Variants in AADACL2 observed in about 807,000 individuals in gnomAD.
AADACL2 encodes arylacetamide deacetylase-like 2.
Under a neutral mutation model 22.3 loss-of-function variants are expected in AADACL2, and 23 were observed. The observed-to-expected ratio is 1.03, with a 90% CI of 0.74 to 1.46. The LOEUF is 1.46. Among genes scored for constraint, AADACL2 ranks in the 40% most tolerant of loss-of-function variants. The probability of loss-of-function intolerance (pLI) is 0.00; values close to 1 mark genes in which losing one functional copy is unlikely to be tolerated. For missense variants in AADACL2, 472 were observed against 482.9 expected (o/e 0.98, Z 0.21); for synonymous variants, 177 against 166.2 (o/e 1.07, Z -0.50).
chr3:151,754,591 T>C (rs1301711812), intron 4 of AADACL2, among the ~76,000 whole-genome samples: 1 of 152,156 alleles, frequency 6.6e-6, no homozygotes, highest in East Asian at 1.9e-4. Context: ...AAGTTCATTG[T>C]TGAAAAAGAT....
rs1713080765 is a variant in AADACL2, at chr3:151,736,203, A to G, written c.138+2030A>G. ...AAATCAAAAATAATTACAGCGGCAT[A>G]AAAAAACTGCTAGTAAATTAGTGGG... is the stretch of plus-strand genomic sequence containing the variant. On this transcript the variant is annotated intron_variant, in intron 1 of 4. Transcript: ENST00000356517. Among the ~76,000 whole-genome samples the G allele has an allele frequency of 5.9e-5, 9 of 152,292 alleles. No individual in the cohort carries two copies. The South Asian group carries it at 1.9e-3, about 32-fold the overall frequency.
intron 4 of AADACL2, among the ~76,000 whole-genome samples, chr3:151,752,827 T>C (rs1266111297): frequency 1.3e-5 from 2 of 152,172 alleles, no homozygotes; most frequent in Non-Finnish European, 2.9e-5. Flanking sequence ...GCTCTACTTA[T>C]TTAGGTTTAT....
intron 4 of AADACL2, among the ~76,000 whole-genome samples, chr3:151,754,364 G>A (rs1713796184): frequency 6.6e-6 from 1 of 152,088 alleles, no homozygotes; most frequent in South Asian, 2.1e-4. Flanking sequence ...CTTTCTTGAT[G>A]ACAATAATAC....
chr3:151,757,191 AAC>A lies in AADACL2; in HGVS notation c.807_808del (p.Met270AlafsTer9), dbSNP rs1216872889. 1 of 1,613,666 alleles carries A rather than the reference AAC, an allele frequency of 6.2e-7. No homozygotes were observed. Among genetic ancestry groups the A allele is most frequent in the African/African-American group, 1.3e-5 (1 of 75,018 alleles). On this transcript the variant is annotated frameshift_variant, in exon 5 of 5. Transcript: ENST00000356517. LOFTEE classifies it low-confidence loss of function (END_TRUNC). ...CTTCCCTGGGCAATGAGAAGAAACC[AAC>A]ACATGCCTCTGGAGTCAAGACATCT...
intron 1 of AADACL2, among the ~76,000 whole-genome samples, chr3:151,739,249 G>T (rs549348695): frequency 3.3e-5 from 5 of 152,272 alleles, no homozygotes; most frequent in Admixed American, 1.3e-4. Flanking sequence ...TAACAGTTAG[G>T]CTCCTCTTCT....
intron 2 of AADACL2, among the ~76,000 whole-genome samples, chr3:151,743,885 T>A (rs181276803): frequency 2.6e-5 from 4 of 152,218 alleles, no homozygotes; most frequent in African/African-American, 9.6e-5. Flanking sequence ...GGTGAAGTCA[T>A]CCTTTTCCTC....
intron 1 of AADACL2, among the ~76,000 whole-genome samples, chr3:151,736,265 T>C (rs1341833865): frequency 6.6e-6 from 1 of 151,678 alleles, no homozygotes; most frequent in Admixed American, 6.6e-5. Flanking sequence ...AAATACTAAA[T>C]ATTTGAGATT....
chr3:151,746,725 AGT>A lies in AADACL2; in HGVS notation c.603+1049_603+1050del, dbSNP rs1713459007. On this transcript the variant is annotated intron_variant, in intron 4 of 4. Transcript: ENST00000356517. ...TGTAATTTTTCTTATTTATTATTTT[AGT>A]GTGGTAAATTATGCCAATTGACTTT... Among the ~76,000 whole-genome samples the A allele has an allele frequency of 2.0e-5, 3 of 152,072 alleles. No homozygotes were observed. The South Asian group carries it at 6.2e-4, about 31-fold the overall frequency.
intron 4 of AADACL2, among the ~76,000 whole-genome samples, chr3:151,753,183 G>C (rs1713736166): frequency 1.2e-4 from 18 of 152,140 alleles, no homozygotes; most frequent in Admixed American, 1.2e-3. Context: ...CTGCATATCA[G>C]TGTTATAGAG....
intron 1 of AADACL2, among the ~76,000 whole-genome samples, chr3:151,739,379 A>C (rs1713200010): frequency 6.6e-6 from 1 of 152,178 alleles, no homozygotes; most frequent in Admixed American, 6.5e-5. Context: ...GCTTCATCCC[A>C]GAGGGGCACC....
intron 2 of AADACL2, among the ~76,000 whole-genome samples, chr3:151,743,083 A>G (rs1035174976): frequency 1.3e-5 from 2 of 152,014 alleles, no homozygotes; most frequent in African/African-American, 4.8e-5. Flanking sequence ...AAGTTCAGAG[A>G]GTTCTTAGGT....
At chr3:151,754,389 A>AT (rs1428105853) in intron 4 of AADACL2, among the ~76,000 whole-genome samples, 1 of 152,168 alleles carries the variant, frequency 6.6e-6, no homozygotes, top group African/African-American at 2.4e-5. Flanking sequence ...GGCATGGCCT[A>AT]TAACTTGAAA....
At position 151,733,974 on chromosome 3, in the gene AADACL2, T is replaced by C; in HGVS notation, c.-62T>C. On this transcript the variant is annotated 5_prime_UTR_variant, in exon 1 of 5. Coordinates refer to ENST00000356517, the MANE Select transcript of AADACL2 (RefSeq NM_207365.4). ...AGTCTACAATTGCTCTACTAGTTACTATTCAGTGTTTGTGAAAAATTTTAA... is the reference window on the plus strand; with the variant it reads ...AGTCTACAATTGCTCTACTAGTTACCATTCAGTGTTTGTGAAAAATTTTAA... The C allele has an allele frequency of 6.6e-7, 1 of 1,504,458 alleles. No homozygotes were observed. 93.2% of individuals were successfully genotyped at this position (1,504,458 alleles called of 1,614,324 possible). A position where few individuals can be genotyped will look rare whatever the true frequency, so the allele number is the denominator to read the frequency against.
chr3:151,756,876 TA>T, intron 4 of AADACL2, 115 bp from the exon 5 acceptor site: 1 of 777,212 alleles, frequency 1.3e-6, no homozygotes, highest in East Asian at 3.1e-5. Flanking sequence ...ATAATTATGA[TA>T]CATCACATCA....
chr3:151,746,643 T>A (rs540710252), intron 4 of AADACL2, among the ~76,000 whole-genome samples: 39 of 152,174 alleles, frequency 2.6e-4, no homozygotes, highest in African/African-American at 9.4e-4. Flanking sequence ...TGATAGTTTT[T>A]GCATAAATGG....
At chr3:151,738,533 T>C (rs1001818933) in intron 1 of AADACL2, among the ~76,000 whole-genome samples, 1 of 152,216 alleles carries the variant, frequency 6.6e-6, no homozygotes, top group African/African-American at 2.4e-5. Context: ...AATTTGAATG[T>C]TGGCCTGTCT....
chr3:151,756,903 T>C, intron 4 of AADACL2, 89 bp from the exon 5 acceptor site: 1 of 1,214,346 alleles, frequency 8.2e-7, no homozygotes, highest in Non-Finnish European at 1.1e-6. Flanking sequence ...TGTAGATTTG[T>C]TTATCTTATG....
At chr3:151,748,917 T>C (rs1713552027) in intron 4 of AADACL2, among the ~76,000 whole-genome samples, 1 of 152,252 alleles carries the variant, frequency 6.6e-6, no homozygotes, top group Admixed American at 6.5e-5. Flanking sequence ...TTTGTTTATA[T>C]GCCAGTACCA....
intron 1 of AADACL2, among the ~76,000 whole-genome samples, chr3:151,737,555 A>C (rs1713132244): frequency 6.6e-6 from 1 of 152,074 alleles, no homozygotes; most frequent in Non-Finnish European, 1.5e-5. Context: ...TAATATTGAC[A>C]GTGGGTGTTA....
Sources: allele counts gnomAD v4.1 joint callset (sites outside exome capture counted in the v4.1 genomes callset), GRCh38; gene constraint gnomAD v4.1.1; transcripts MANE v1.5; gene names NCBI Gene and HGNC (gene_info 2026-07-23, HGNC 2026-07-21).